CBR4: variants seen among roughly 807,000 people sequenced by gnomAD.
CBR4 encodes carbonyl reductase 4, also known as 3-oxoacyl-[acyl-carrier-protein] reductase.
CBR4 carries 22 observed loss-of-function variants against 21.0 expected under a neutral mutation model. The observed-to-expected ratio is 1.05, with a 90% CI of 0.75 to 1.50. The LOEUF (loss-of-function observed/expected upper bound fraction) is 1.50. Among genes scored for constraint, CBR4 ranks in the 40% most tolerant of loss-of-function variants. The pLI, the probability that CBR4 is intolerant of heterozygous loss-of-function variation, is 0.00. For synonymous variants in CBR4, 100 were observed against 104.4 expected (o/e 0.96, Z 0.26); for missense variants, 302 against 286.3 (o/e 1.05, Z -0.40).
intron 2 of CBR4, among the ~76,000 whole-genome samples, chr4:168,966,484 A>G (rs9996622): frequency 0.69 from 104,618 of 151,252 alleles, 37,521 homozygotes; most frequent in East Asian, 0.96. Flanking sequence ...CCGAGATCGC[A>G]CCACTGCCTT....
chr4:168,989,888 G>T lies in CBR4; in HGVS notation c.*262C>A, dbSNP rs1764825292. The T allele has an allele frequency of 1.8e-6, 2 of 1,097,376 alleles. No homozygotes were observed. Among genetic ancestry groups the T allele is most frequent in the African/African-American group, 1.6e-5 (1 of 61,048 alleles). The allele number at this position is 1,097,376 out of a possible 1,614,324, so 68.0% of individuals were successfully genotyped here. A position where few individuals can be genotyped will look rare whatever the true frequency, so the allele number is the denominator to read the frequency against. On this transcript the variant is annotated 3_prime_UTR_variant, in exon 5 of 5. Transcript: ENST00000306193. ...AACCACTGAATTGTGTATTTTAAATGTGTGATTATATGGTATGTGAATTGT... is the reference window on the plus strand; with the variant it reads ...AACCACTGAATTGTGTATTTTAAATTTGTGATTATATGGTATGTGAATTGT...
intron 2 of CBR4, among the ~76,000 whole-genome samples, chr4:168,943,284 C>T (rs1763312172): frequency 6.6e-6 from 1 of 152,172 alleles, no homozygotes; most frequent in Non-Finnish European, 1.5e-5. Context: ...TCTGCAACCC[C>T]AGCCCTGTAG....
At chr4:169,006,402 C>G (rs115594054) in intron 3 of CBR4, among the ~76,000 whole-genome samples, 1 of 152,166 alleles carries the variant, frequency 6.6e-6, no homozygotes, top group African/African-American at 2.4e-5. Flanking sequence ...ATCAAAATTG[C>G]TGGCAAAACT....
At chr4:168,945,852 AAAG>A (rs1763382798) in intron 2 of CBR4, among the ~76,000 whole-genome samples, 1 of 152,196 alleles carries the variant, frequency 6.6e-6, no homozygotes, top group African/African-American at 2.4e-5. Context: ...AAAGAACAAG[AAAG>A]AAGAGGAGAC....
intron 2 of CBR4, among the ~76,000 whole-genome samples, chr4:168,895,496 T>C (rs1458826798): frequency 6.6e-6 from 1 of 152,244 alleles, no homozygotes; most frequent in Non-Finnish European, 1.5e-5. Context: ...TAACACGTAT[T>C]CTGTATGTTA....
intron 2 of CBR4, among the ~76,000 whole-genome samples, chr4:168,930,780 G>A (rs921673506): frequency 5.3e-5 from 8 of 152,106 alleles, no homozygotes; most frequent in Admixed American, 1.3e-4. Flanking sequence ...CTGGGAAAAC[G>A]TAAGCAGAGC....
intron 2 of CBR4, among the ~76,000 whole-genome samples, chr4:168,948,529 A>C (rs539295754): frequency 9.3e-4 from 142 of 152,090 alleles, no homozygotes; most frequent in African/African-American, 3.2e-3. Flanking sequence ...ATCCATCTTG[A>C]GTTGATTTTT....
chr4:168,897,993 AT>A (rs1189303318), intron 2 of CBR4: 1 of 149,942 alleles, frequency 6.7e-6, no homozygotes, highest in African/African-American at 2.5e-5. Context: ...TTCTTTTACT[AT>A]TTTTTCTATT....
intron 3 of CBR4, chr4:168,894,496 T>TTTTACTC: frequency 1.2e-6 from 1 of 822,152 alleles, no homozygotes; most frequent in Non-Finnish European, 2.1e-6. Context: ...TGAAAGTGTG[T>TTTTACTC]TGTTTTTTAC....
chr4:168,926,131 C>A, intron 2 of CBR4: 4 of 1,154,672 alleles, frequency 3.5e-6, no homozygotes, highest in Non-Finnish European at 4.7e-6. Context: ...TCTATCTAGA[C>A]ATTCTGTATT....
At position 168,952,280 on chromosome 4, in the gene CBR4, T is replaced by C. The variant is rs1307947744; in HGVS notation, n.169+49791A>G. On this transcript the variant is annotated intron_variant and non_coding_transcript_variant, in intron 2 of 3. Transcript: ENST00000509108. ...TTTCCTGAAGTTTTGATTTTTTTTT[T>C]ATGGTTATCTATTTCCTTGAACATT... 2.6e-5 allele frequency among the ~76,000 whole-genome samples: 4 copies of C among 152,166 alleles called. No homozygotes were observed. In the East Asian group the frequency reaches 7.7e-4, roughly 29 times the overall value.
At chr4:169,006,734 T>A in intron 3 of CBR4, 21 bp downstream of exon 3, 1 of 1,599,296 alleles carries the variant, frequency 6.3e-7, no homozygotes, top group Non-Finnish European at 8.5e-7. Context: ...TAATCATAAA[T>A]TCACAAAGGT....
chr4:169,003,620 C>T (rs910375974), intron 3 of CBR4, among the ~76,000 whole-genome samples: 6 of 152,178 alleles, frequency 3.9e-5, no homozygotes, highest in African/African-American at 1.4e-4. Context: ...GCATCACATG[C>T]TGCAGAGAAA....
chr4:169,009,951 C>T lies in CBR4; in HGVS notation c.139G>A (p.Gly47Ser). ...EGAKAAAGDLGGDHLAFSCDV... is the reference protein window; with the variant it reads ...EGAKAAAGDLSGDHLAFSCDV... The stretch of plus-strand genomic sequence containing the variant: ...ACAACTCCAGTTTGGTACCTACCGC[C>T]GAGGTCACCGGCGGCGGCTTTGGCC... Residue 47 changes from glycine to serine, a missense_variant, in exon 1 of 5, where the codon GGC becomes AGC. By Grantham distance (56) the Gly-to-Ser change is moderately conservative (BLOSUM62 0). Coordinates refer to ENST00000306193, the MANE Select transcript of CBR4 (RefSeq NM_032783.5). 1 of 1,611,172 alleles carries T rather than the reference C, an allele frequency of 6.2e-7. No individual in the cohort carries two copies. Among genetic ancestry groups the T allele is most frequent in the Non-Finnish European group, 8.5e-7 (1 of 1,178,990 alleles).
At chr4:168,948,164 T>C (rs6854737) in intron 2 of CBR4, among the ~76,000 whole-genome samples, 23,125 of 152,240 alleles carry the variant, frequency 0.15, 1,949 homozygotes, top group African/African-American at 0.22. Flanking sequence ...TTGTTGGCCA[T>C]TTGTATATCT....
At chr4:168,952,276 T>A (rs1763562889) in intron 2 of CBR4, among the ~76,000 whole-genome samples, 1 of 152,206 alleles carries the variant, frequency 6.6e-6, no homozygotes, top group Admixed American at 6.5e-5. Context: ...TTTGATTTTT[T>A]TTTTATGGTT....
intron 2 of CBR4, among the ~76,000 whole-genome samples, chr4:168,930,429 T>C (rs1437810715): frequency 6.6e-6 from 1 of 152,220 alleles, no homozygotes; most frequent in Non-Finnish European, 1.5e-5. Flanking sequence ...AAATATTACT[T>C]ACTATTCAGA....
chr4:168,997,478 T>C (rs1000173119), intron 4 of CBR4, among the ~76,000 whole-genome samples: 2 of 152,142 alleles, frequency 1.3e-5, no homozygotes, highest in African/African-American at 4.8e-5. Flanking sequence ...CTTATGCCTG[T>C]AATCCCAGCT....
chr4:168,930,064 T>C (rs1409787034), intron 2 of CBR4, among the ~76,000 whole-genome samples: 1 of 152,182 alleles, frequency 6.6e-6, no homozygotes. Flanking sequence ...AAAAATTATA[T>C]TACAAATATT....
Sources: gnomAD v4.1 joint callset for allele counts (sites outside exome capture counted in the v4.1 genomes callset) on GRCh38, gnomAD v4.1.1 for gene constraint, MANE v1.5 for transcripts, NCBI Gene and HGNC (gene_info 2026-07-23, HGNC 2026-07-21) for gene names.